Variants in TTC9 observed in about 807,000 individuals in gnomAD.
TTC9 encodes the protein tetratricopeptide repeat domain 9.
TTC9 carries 13 observed loss-of-function variants against 22.9 expected under a neutral mutation model. That is an observed-to-expected ratio of 0.57 (90% CI 0.37 to 0.90). The LOEUF (loss-of-function observed/expected upper bound fraction) is 0.90. Ranked by LOEUF, TTC9 falls within the 40% of genes least tolerant of loss-of-function variation. The pLI is 0.01. For synonymous variants in TTC9, 148 were observed against 133.2 expected (o/e 1.11, Z -0.77); for missense variants, 280 against 291.8 (o/e 0.96, Z 0.29).
chr14:70,646,820 A>G (rs1298985531), intron 1 of TTC9, among the ~76,000 whole-genome samples: 1 of 152,210 alleles, frequency 6.6e-6, no homozygotes, highest in Non-Finnish European at 1.5e-5. Context: ...ACACTGGGAA[A>G]TGCCTGGGAT....
intron 1 of TTC9, among the ~76,000 whole-genome samples, chr14:70,650,252 G>T (rs1885963988): frequency 6.6e-6 from 1 of 152,088 alleles, no homozygotes; most frequent in African/African-American, 2.4e-5. Context: ...TGAGAACCCT[G>T]TCTCTACTAA....
At position 70,666,969 on chromosome 14, in the gene TTC9, A is replaced by G. The variant is rs116232055; in HGVS notation, c.407-595A>G. On this transcript the variant is annotated intron_variant, in intron 1 of 2. Transcript: ENST00000256367. ...GGGTGACTTGAGATAATAGAAATGT[A>G]TGATCTCACAGTTCCAGGGGCTAGG... 1.5e-4 allele frequency among the ~76,000 whole-genome samples: 23 copies of G among 152,300 alleles called. 1 individual carries two copies. Among genetic ancestry groups the G allele is most frequent in the African/African-American group, 5.3e-4 (22 of 41,558 alleles).
intron 1 of TTC9, among the ~76,000 whole-genome samples, chr14:70,645,937 G>A (rs1346333012): frequency 2.0e-5 from 3 of 152,218 alleles, no homozygotes; most frequent in African/African-American, 7.2e-5. Context: ...AGGTGGTTAT[G>A]AGGCTTCTGG....
intron 1 of TTC9, among the ~76,000 whole-genome samples, chr14:70,648,147 G>T (rs189035135): frequency 6.6e-5 from 10 of 152,298 alleles, no homozygotes; most frequent in African/African-American, 2.2e-4. Context: ...ATGTCAAGAT[G>T]CTCAGCCAAG....
At position 70,671,223 on chromosome 14, in the gene TTC9, C is replaced by T. The variant is rs143740062; in HGVS notation, c.*68C>T. 20 of 1,371,082 alleles carry T rather than the reference C, an allele frequency of 1.5e-5. 1 individual carries two copies. In the East Asian group the frequency reaches 2.6e-4, roughly 18 times the overall value. The allele number at this position is 1,371,082 out of a possible 1,614,324, so 84.9% of individuals were successfully genotyped here. On this transcript the variant is annotated 3_prime_UTR_variant, in exon 3 of 3. Coordinates refer to ENST00000256367, the MANE Select transcript of TTC9 (RefSeq NM_015351.2). ...CTTCCAGGCATCCCCTGGCAGAGAG[C>T]CCCGTCCTGGATTCTGTCCCTTTCT...
At chr14:70,662,116 A>G (rs936018131) in intron 1 of TTC9, among the ~76,000 whole-genome samples, 1 of 152,146 alleles carries the variant, frequency 6.6e-6, no homozygotes, top group African/African-American at 2.4e-5. Context: ...AAAGTTAATA[A>G]TATTTCTTTC....
intron 1 of TTC9, among the ~76,000 whole-genome samples, chr14:70,647,249 T>C (rs955947996): frequency 1.3e-5 from 2 of 152,250 alleles, no homozygotes; most frequent in Admixed American, 1.3e-4. Flanking sequence ...ACTAGAACAG[T>C]GGAAATGCTG....
rs774896641 is a variant in TTC9 at position 70,675,153 on chromosome 14, G to A, written c.*3998G>A. Reference sequence around the variant, plus strand: ...ATTTTAACTTTCTTTGATTCTTCGCGAATAACATTTTCATATGCTTATTGA... The same window carrying A: ...ATTTTAACTTTCTTTGATTCTTCGCAAATAACATTTTCATATGCTTATTGA... On this transcript the variant is annotated 3_prime_UTR_variant, in exon 3 of 3. Transcript: ENST00000256367. 1 of 152,008 alleles carries A rather than the reference G, an allele frequency of 6.6e-6. No individual in the cohort carries two copies. Among genetic ancestry groups the A allele is most frequent in the African/African-American group, 2.4e-5 (1 of 41,368 alleles). The allele number at this position is 152,008 out of a possible 1,614,324, so 9.4% of individuals were successfully genotyped here. A position where few individuals can be genotyped will look rare whatever the true frequency, so the allele number is the denominator to read the frequency against.
chr14:70,653,690 T>A (rs1419792516), intron 1 of TTC9, among the ~76,000 whole-genome samples: 1 of 150,374 alleles, frequency 6.7e-6, no homozygotes, highest in Non-Finnish European at 1.5e-5. Flanking sequence ...CTTTTCACAC[T>A]TTGCCCCAGG....
At chr14:70,653,768 C>T (rs923830737) in intron 1 of TTC9, among the ~76,000 whole-genome samples, 9 of 152,186 alleles carry the variant, frequency 5.9e-5, no homozygotes, top group Non-Finnish European at 7.3e-5. Context: ...ACAAGTCAGA[C>T]CAGTTGAGAA....
In TTC9 at chr14:70,671,648, T is replaced by C. The variant is rs1326109722; in HGVS notation, c.*493T>C. 6.4e-5 allele frequency: 10 copies of C among 157,008 alleles called. No individual in the cohort carries two copies. Among genetic ancestry groups the C allele is most frequent in the Non-Finnish European group, 1.4e-4 (10 of 71,238 alleles). The allele number at this position is 157,008 out of a possible 1,614,324, so 9.7% of individuals were successfully genotyped here. ...CAGAGAAGCGCTGGTGAAGCCAACA[T>C]AGAGACTGTCAATGTGTACACTGGA... is the stretch of plus-strand genomic sequence containing the variant. On this transcript the variant is annotated 3_prime_UTR_variant, in exon 3 of 3. Coordinates refer to ENST00000256367, the MANE Select transcript of TTC9 (RefSeq NM_015351.2).
At chr14:70,643,031 CA>C (rs1457627178) in intron 1 of TTC9, among the ~76,000 whole-genome samples, 1 of 152,242 alleles carries the variant, frequency 6.6e-6, no homozygotes, top group East Asian at 1.9e-4. Flanking sequence ...TTTTTGGCCC[CA>C]GTAGCAAAGG....
intron 2 of TTC9, among the ~76,000 whole-genome samples, chr14:70,668,204 A>G (rs757527709): frequency 1.1e-4 from 17 of 152,216 alleles, no homozygotes; most frequent in Admixed American, 2.0e-4. Flanking sequence ...TGACTTCTCC[A>G]GTCAGATGCT....
intron 1 of TTC9, among the ~76,000 whole-genome samples, chr14:70,646,942 G>A (rs775291737): frequency 1.3e-5 from 2 of 152,190 alleles, no homozygotes; most frequent in Non-Finnish European, 2.9e-5. Flanking sequence ...TGAAATGTAG[G>A]ACTCTTTGTT....
chr14:70,647,678 G>A (rs971908435), intron 1 of TTC9, among the ~76,000 whole-genome samples: 20 of 152,272 alleles, frequency 1.3e-4, no homozygotes, highest in African/African-American at 3.9e-4. Flanking sequence ...ATGCAAATGG[G>A]GCAGCAGAGA....
chr14:70,649,254 T>C (rs1885945928), intron 1 of TTC9, among the ~76,000 whole-genome samples: 1 of 152,252 alleles, frequency 6.6e-6, no homozygotes, highest in African/African-American at 2.4e-5. Flanking sequence ...ACATAGTAGA[T>C]GTTCCACAAA....
intron 1 of TTC9, among the ~76,000 whole-genome samples, chr14:70,657,228 T>G (rs1197251656): frequency 6.6e-6 from 1 of 152,242 alleles, no homozygotes; most frequent in Non-Finnish European, 1.5e-5. Flanking sequence ...GCTTTCCATA[T>G]TCCTTATGAA....
chr14:70,674,153 C>T lies in TTC9; in HGVS notation c.*2998C>T, dbSNP rs141243774. ...CAAAACAAGAACTGTGATTTAATTC[C>T]GTACGTTGCGGATGTCACTGCTGAC... On this transcript the variant is annotated 3_prime_UTR_variant, in exon 3 of 3. Transcript: ENST00000256367. 4 of 152,244 alleles carry T rather than the reference C, an allele frequency of 2.6e-5. No individual in the cohort carries two copies. The East Asian group carries it at 7.7e-4, about 29-fold the overall frequency. The allele number at this position is 152,244 out of a possible 1,614,324, so 9.4% of individuals were successfully genotyped here.
At chr14:70,651,332 A>T (rs1000587047) in intron 1 of TTC9, among the ~76,000 whole-genome samples, 2 of 143,836 alleles carry the variant, frequency 1.4e-5, no homozygotes, top group African/African-American at 6.0e-5. Context: ...CTACCTACAT[A>T]CATTATTACT....
Sources: gnomAD v4.1 joint callset for allele counts (sites outside exome capture counted in the v4.1 genomes callset) on GRCh38, gnomAD v4.1.1 for gene constraint, MANE v1.5 for transcripts, NCBI Gene and HGNC (gene_info 2026-07-23, HGNC 2026-07-21) for gene names.